PRKG1: variants seen among roughly 807,000 people sequenced by gnomAD.
PRKG1 encodes cGMP-dependent protein kinase 1.
In PRKG1, 35 loss-of-function variants were observed where a neutral mutation model predicts 88.1. The observed-to-expected ratio is 0.40, with a 90% confidence interval of 0.30 to 0.53. PRKG1 has a LOEUF of 0.53. PRKG1 is among the 20% of genes least tolerant of loss of function. PRKG1 has a pLI of 0.59. For missense variants in PRKG1, 540 were observed against 839.8 expected (o/e 0.64, Z 4.41); for synonymous variants, 303 against 292.5 (o/e 1.04, Z -0.37).
At chr10:51,055,469 G>A (rs566163406) in intron 1 of PRKG1, among the ~76,000 whole-genome samples, 20 of 151,886 alleles carry the variant, frequency 1.3e-4, no homozygotes, top group South Asian at 8.3e-4. Context: ...TCAGTGCAGG[G>A]TCAAATAGAC....
chr10:51,795,890 C>A (rs528371056), intron 3 of PRKG1, among the ~76,000 whole-genome samples: 1 of 152,120 alleles, frequency 6.6e-6, no homozygotes, highest in East Asian at 1.9e-4. Context: ...ATGAGACTTA[C>A]CTACTATCTG....
At chr10:51,210,628 G>C (rs1022400381) in intron 2 of PRKG1, among the ~76,000 whole-genome samples, 1 of 152,078 alleles carries the variant, frequency 6.6e-6, no homozygotes, top group Non-Finnish European at 1.5e-5. Context: ...AAATGACAAA[G>C]GGGTATCATC....
At chr10:51,525,264 AG>A (rs1246097043) in intron 3 of PRKG1, among the ~76,000 whole-genome samples, 1 of 151,736 alleles carries the variant, frequency 6.6e-6, no homozygotes, top group Non-Finnish European at 1.5e-5. Flanking sequence ...AAGGGAAGGA[AG>A]GAAAAAAAGG....
In PRKG1 at chr10:52,232,158, C is replaced by A. The variant is rs370071177; in HGVS notation, c.1077-19412C>A. On this transcript the variant is annotated intron_variant, in intron 9 of 17. Coordinates refer to ENST00000373980, the MANE Select transcript of PRKG1 (RefSeq NM_006258.4). Reference sequence around the variant, plus strand: ...TCTCTACTAAAAATACAAAAATTATCCGGGCATGATGGTGGGCGCCTGTAG... The same window carrying A: ...TCTCTACTAAAAATACAAAAATTATACGGGCATGATGGTGGGCGCCTGTAG... Among the ~76,000 whole-genome samples, 18 of 152,028 alleles carry A rather than the reference C, an allele frequency of 1.2e-4. No homozygotes were observed. The East Asian group carries it at 1.4e-3, about 11-fold the overall frequency.
At chr10:51,358,579 A>G (rs1427758816) in intron 2 of PRKG1, among the ~76,000 whole-genome samples, 1 of 151,960 alleles carries the variant, frequency 6.6e-6, no homozygotes, top group Non-Finnish European at 1.5e-5. Flanking sequence ...AGTAAACAAG[A>G]TATGTCCACT....
At chr10:51,108,922 G>A (rs1043741848) in intron 1 of PRKG1, among the ~76,000 whole-genome samples, 17 of 152,016 alleles carry the variant, frequency 1.1e-4, no homozygotes, top group African/African-American at 4.1e-4. Context: ...GTAAGATGCA[G>A]GATACTACAT....
chr10:51,017,318 G>A (rs1237294994), intron 1 of PRKG1, among the ~76,000 whole-genome samples: 1 of 151,916 alleles, frequency 6.6e-6, no homozygotes, highest in Non-Finnish European at 1.5e-5. Flanking sequence ...TTACAAGCCT[G>A]TCTTCTCAAT....
At chr10:51,023,466 A>T (rs1843165581) in intron 1 of PRKG1, among the ~76,000 whole-genome samples, 1 of 152,220 alleles carries the variant, frequency 6.6e-6, no homozygotes, top group African/African-American at 2.4e-5. Flanking sequence ...GTTTGGTACA[A>T]TAACTGTCAA....
intron 1 of PRKG1, among the ~76,000 whole-genome samples, chr10:51,116,615 C>T (rs1271567842): frequency 1.3e-5 from 2 of 152,254 alleles, no homozygotes; most frequent in Admixed American, 6.5e-5. Context: ...GGAATTCTTA[C>T]AGGAATTGAA....
chr10:51,506,954 T>C (rs983462349), intron 3 of PRKG1, among the ~76,000 whole-genome samples: 3 of 152,138 alleles, frequency 2.0e-5, no homozygotes, highest in African/African-American at 7.2e-5. Flanking sequence ...ATATTCACCA[T>C]GGAATACTAT....
chr10:51,703,917 T>C (rs1407320223), intron 3 of PRKG1, among the ~76,000 whole-genome samples: 1 of 152,006 alleles, frequency 6.6e-6, no homozygotes, highest in Non-Finnish European at 1.5e-5. Flanking sequence ...GGTGGGTGGA[T>C]CATTTGGTCA....
At chr10:51,806,616 G>C (rs1250209436) in intron 4 of PRKG1, among the ~76,000 whole-genome samples, 3 of 152,200 alleles carry the variant, frequency 2.0e-5, no homozygotes, top group African/African-American at 7.2e-5. Context: ...CGGGAGTCCA[G>C]AGAGGTGACA....
At position 51,206,979 on chromosome 10, in the gene PRKG1, G is replaced by GT. The variant is rs537882000; in HGVS notation, c.478+53657dup. 1.1e-3 allele frequency among the ~76,000 whole-genome samples: 160 copies of GT among 152,110 alleles called. 1 individual carries two copies. The highest frequency in any genetic ancestry group is 2.1e-3 in the South Asian group (10 of 4,812). The stretch of plus-strand genomic sequence containing the variant: ...ATTGGAAAATGAATCGTATTTGTTA[G>GT]TTTTTTTTAAATTGTAGTTTGCAGT... On this transcript the variant is annotated intron_variant, in intron 2 of 17. Transcript: ENST00000373980.
chr10:51,387,178 G>T (rs577928180), intron 2 of PRKG1, among the ~76,000 whole-genome samples: 22 of 152,032 alleles, frequency 1.4e-4, no homozygotes, highest in South Asian at 8.3e-4. Context: ...AACAAGAAAT[G>T]AACTGTCTAC....
chr10:51,740,431 G>T (rs1837402941), intron 3 of PRKG1, among the ~76,000 whole-genome samples: 1 of 152,114 alleles, frequency 6.6e-6, no homozygotes, highest in African/African-American at 2.4e-5. Flanking sequence ...ACTATTACAT[G>T]TCAACTTAAT....
intron 6 of PRKG1, among the ~76,000 whole-genome samples, chr10:52,060,622 T>C (rs1846214528): frequency 6.6e-6 from 1 of 151,796 alleles, no homozygotes; most frequent in Non-Finnish European, 1.5e-5. Flanking sequence ...AATACCTACC[T>C]TTCTGGAAAA....
chr10:51,622,230 G>A (rs1839227556), intron 3 of PRKG1, among the ~76,000 whole-genome samples: 1 of 152,160 alleles, frequency 6.6e-6, no homozygotes, highest in Admixed American at 6.5e-5. Context: ...CTGATCCCAA[G>A]ACTCAGGTCA....
intron 1 of PRKG1, among the ~76,000 whole-genome samples, chr10:51,033,922 A>G (rs958170701): frequency 8.5e-5 from 13 of 152,122 alleles, no homozygotes; most frequent in African/African-American, 2.9e-4. Flanking sequence ...TTGTCCCTTT[A>G]AGATTTAAAT....
At chr10:52,168,326 C>G (rs915828776) in intron 9 of PRKG1, among the ~76,000 whole-genome samples, 10 of 152,074 alleles carry the variant, frequency 6.6e-5, no homozygotes, top group Non-Finnish European at 1.3e-4. Flanking sequence ...GTATGGAGAG[C>G]ATTCTAGCTG....
Sources: allele counts gnomAD v4.1 joint callset (sites outside exome capture counted in the v4.1 genomes callset), GRCh38; gene constraint gnomAD v4.1.1; transcripts MANE v1.5; gene names NCBI Gene and HGNC (gene_info 2026-07-23, HGNC 2026-07-21).